Variants in DDAH1 observed in about 807,000 individuals in gnomAD.
DDAH1 encodes dimethylarginine dimethylaminohydrolase 1.
In DDAH1, 19 loss-of-function variants were observed where a neutral mutation model predicts 28.8. The ratio of observed to expected loss-of-function variants is 0.66; its 90% CI spans 0.46 to 0.97. DDAH1 has a LOEUF of 0.97. Ranked by LOEUF, DDAH1 falls within the 50% of genes least tolerant of loss-of-function variation. The pLI, the probability that DDAH1 is intolerant of heterozygous loss-of-function variation, is 0.00. For missense variants in DDAH1, 326 were observed against 375.9 expected (o/e 0.87, Z 1.10); for synonymous variants, 153 against 154.4 (o/e 0.99, Z 0.07).
chr1:85,477,786 G>A (rs1655854027), intron 2 of DDAH1, among the ~76,000 whole-genome samples: 1 of 151,638 alleles, frequency 6.6e-6, no homozygotes, highest in Non-Finnish European at 1.5e-5. Context: ...AATTTTTCAG[G>A]GAATTTATTT....
At chr1:85,353,159 T>C (rs989049421) in intron 2 of DDAH1, among the ~76,000 whole-genome samples, 4 of 152,222 alleles carry the variant, frequency 2.6e-5, no homozygotes, top group African/African-American at 9.6e-5. Context: ...GCAGTTTTTC[T>C]ACTCAGAAGG....
intron 1 of DDAH1, among the ~76,000 whole-genome samples, chr1:85,408,119 T>C (rs1476115995): frequency 6.6e-6 from 1 of 152,166 alleles, no homozygotes; most frequent in Non-Finnish European, 1.5e-5. Context: ...ATAAAAATAA[T>C]CCATGAAACC....
intron 1 of DDAH1, among the ~76,000 whole-genome samples, chr1:85,461,399 T>C (rs914686102): frequency 6.6e-6 from 1 of 152,212 alleles, no homozygotes; most frequent in Non-Finnish European, 1.5e-5. Context: ...GAATACTTTC[T>C]TGAATTCCAA....
chr1:85,465,144 G>A lies in DDAH1; in HGVS notation c.-99C>T. 8.6e-7 allele frequency: 1 copy of A among 1,161,712 alleles called. No individual in the cohort carries two copies. Among genetic ancestry groups the A allele is most frequent in the East Asian group, 4.1e-5 (1 of 24,198 alleles). The allele number at this position is 1,161,712 out of a possible 1,614,324, so 72.0% of individuals were successfully genotyped here. On this transcript the variant is annotated 5_prime_UTR_variant, in exon 1 of 6. Transcript: ENST00000284031. ...CTGCGAGCGCCCGTCGGCTCCTCTTGGCAGCCGCTGAATGTGGTGCAGAAG... is the reference window on the plus strand; with the variant it reads ...CTGCGAGCGCCCGTCGGCTCCTCTTAGCAGCCGCTGAATGTGGTGCAGAAG...
intron 1 of DDAH1, among the ~76,000 whole-genome samples, chr1:85,367,345 T>C (rs754887547): frequency 2.6e-5 from 4 of 152,160 alleles, no homozygotes; most frequent in Non-Finnish European, 5.9e-5. Flanking sequence ...TCTAGTTACC[T>C]ATCCCATTCC....
rs1374665030 is a variant in DDAH1, at chr1:85,379,608, A to G, written c.304-20761T>C. 37 of 985,300 alleles carry G rather than the reference A, an allele frequency of 3.8e-5. 1 individual carries two copies. The highest frequency in any genetic ancestry group is 4.2e-5 in the Non-Finnish European group (35 of 829,932). 61.0% of individuals were successfully genotyped at this position (985,300 alleles called of 1,614,324 possible). A position where few individuals can be genotyped will look rare whatever the true frequency, so the allele number is the denominator to read the frequency against. On this transcript the variant is annotated intron_variant, in intron 1 of 5. Coordinates refer to ENST00000284031, the MANE Select transcript of DDAH1 (RefSeq NM_012137.4). ...AACTTGTGAAAGAGTCAGCCTGCAGAGCCACACCACACACCACTCTTCACC... is the reference window on the plus strand; with the variant it reads ...AACTTGTGAAAGAGTCAGCCTGCAGGGCCACACCACACACCACTCTTCACC...
intron 1 of DDAH1, among the ~76,000 whole-genome samples, chr1:85,461,195 G>A (rs1360102757): frequency 2.7e-5 from 4 of 150,678 alleles, no homozygotes; most frequent in Non-Finnish European, 5.9e-5. Flanking sequence ...GCCTCTAACG[G>A]CTTATTTTTC....
rs1209539011 is a variant in DDAH1 at position 85,464,529 on chromosome 1, T to C, written c.303+214A>G. The C allele has an allele frequency of 2.0e-6, 3 of 1,527,668 alleles. No individual in the cohort carries two copies. The highest frequency in any genetic ancestry group is 2.6e-6 in the Non-Finnish European group (3 of 1,142,410). The allele number at this position is 1,527,668 out of a possible 1,614,324, so 94.6% of individuals were successfully genotyped here. On this transcript the variant is annotated intron_variant, in intron 1 of 5. Coordinates refer to ENST00000284031, the MANE Select transcript of DDAH1 (RefSeq NM_012137.4). This position sits in a 1 kb window ranked among gnomAD's most constrained non-coding sequence, Gnocchi z 4.4. ...GACCGTACAACCACATTGAATCGGA[T>C]CCTCCAGAAGGCTGCCGGCAGCCGG...
chr1:85,561,556 C>T (rs1413470105), intron 1 of DDAH1, among the ~76,000 whole-genome samples: 3 of 152,064 alleles, frequency 2.0e-5, no homozygotes, highest in Admixed American at 2.0e-4. Context: ...CCCTCATATC[C>T]TACTGTGATC....
At chr1:85,503,389 C>T (rs368314764) in intron 1 of DDAH1, among the ~76,000 whole-genome samples, 2 of 152,078 alleles carry the variant, frequency 1.3e-5, no homozygotes, top group Non-Finnish European at 2.9e-5. Flanking sequence ...TTAGTAGAAA[C>T]GGGTTTTCAC....
At chr1:85,417,780 C>A (rs1407415470) in intron 1 of DDAH1, among the ~76,000 whole-genome samples, 1 of 152,162 alleles carries the variant, frequency 6.6e-6, no homozygotes, top group African/African-American at 2.4e-5. Flanking sequence ...CCATTTCTCT[C>A]ATGAATTGAA....
At chr1:85,517,822 G>A (rs886932429) in intron 1 of DDAH1, among the ~76,000 whole-genome samples, 4 of 152,112 alleles carry the variant, frequency 2.6e-5, no homozygotes, top group African/African-American at 9.7e-5. Context: ...ATTACATCCT[G>A]ATGAGACCCT....
chr1:85,335,105 A>C (rs1648024150), intron 4 of DDAH1, among the ~76,000 whole-genome samples: 1 of 152,352 alleles, frequency 6.6e-6, no homozygotes, highest in African/African-American at 2.4e-5. Context: ...TATAAAACTT[A>C]CTGGAAGAGC....
chr1:85,402,543 A>T lies in DDAH1; in HGVS notation c.304-43696T>A, dbSNP rs368533074. Reference sequence around the variant, plus strand: ...TATAATTTCAGTTACAAATACTAAGATATAAAAATGCTTTGTATATTTTTC... The same window carrying T: ...TATAATTTCAGTTACAAATACTAAGTTATAAAAATGCTTTGTATATTTTTC... On this transcript the variant is annotated intron_variant, in intron 1 of 5. Transcript: ENST00000284031. Among the ~76,000 whole-genome samples the T allele has an allele frequency of 9.2e-5, 14 of 152,344 alleles. No individual in the cohort carries two copies. In the East Asian group the frequency reaches 2.3e-3, roughly 25 times the overall value.
chr1:85,514,447 T>C (rs1198789188), intron 1 of DDAH1, among the ~76,000 whole-genome samples: 1 of 151,196 alleles, frequency 6.6e-6, no homozygotes, highest in Non-Finnish European at 1.5e-5. Flanking sequence ...AATTGATGGG[T>C]GCAGCAAACC....
intron 4 of DDAH1, among the ~76,000 whole-genome samples, chr1:85,345,180 A>G (rs1165385168): frequency 6.6e-6 from 1 of 152,156 alleles, no homozygotes. Flanking sequence ...TATGTGCATG[A>G]AAGAATAGAA....
At chr1:85,488,316 T>G (rs191318188) in intron 2 of DDAH1, 14 of 152,376 alleles carry the variant, frequency 9.2e-5, no homozygotes, top group African/African-American at 3.4e-4. Flanking sequence ...AAGTCCAAGA[T>G]CAGGGCACCA....
intron 2 of DDAH1, among the ~76,000 whole-genome samples, chr1:85,477,364 C>T (rs1276910355): frequency 2.6e-5 from 4 of 152,146 alleles, no homozygotes; most frequent in African/African-American, 9.7e-5. Flanking sequence ...TAATATGCAT[C>T]CGCCCTCAGG....
At chr1:85,412,476 C>T (rs1392923560) in intron 1 of DDAH1, among the ~76,000 whole-genome samples, 3 of 152,284 alleles carry the variant, frequency 2.0e-5, no homozygotes, top group African/African-American at 4.8e-5. Flanking sequence ...AGCCTTTGCT[C>T]GGTTATTTCT....
Sources: allele counts gnomAD v4.1 joint callset (sites outside exome capture counted in the v4.1 genomes callset), GRCh38; gene constraint gnomAD v4.1.1; non-coding constraint Gnocchi (gnomAD v3.1); transcripts MANE v1.5; gene names NCBI Gene and HGNC (gene_info 2026-07-23, HGNC 2026-07-21).